Variants in CSMD3 observed in about 807,000 individuals in gnomAD.
CSMD3 encodes the protein CUB and sushi domain-containing protein 3.
CSMD3 carries 177 observed loss-of-function variants against 435.2 expected under a neutral mutation model. The observed-to-expected ratio is 0.41, with a 90% CI of 0.36 to 0.46. The LOEUF is 0.46. Ranked by LOEUF, CSMD3 falls within the 20% of genes least tolerant of loss-of-function variation. The pLI, the probability that CSMD3 is intolerant of heterozygous loss-of-function variation, is 0.34. For missense variants in CSMD3, 4,265 were observed against 4,504.6 expected (o/e 0.95, Z 1.52); for synonymous variants, 1,656 against 1,520.5 (o/e 1.09, Z -2.07).
chr8:112,993,613 A>T (rs571108301), intron 6 of CSMD3, among the ~76,000 whole-genome samples: 15 of 151,966 alleles, frequency 9.9e-5, no homozygotes, highest in African/African-American at 3.1e-4. Flanking sequence ...AAGGAACCAT[A>T]TTTTTAGAGG....
rs887456759 is a variant in CSMD3 at position 112,650,159 on chromosome 8, A to G, written c.3193+2T>C. 6.2e-7 allele frequency: 1 copy of G among 1,606,672 alleles called. No individual in the cohort carries two copies. Among genetic ancestry groups the G allele is most frequent in the Non-Finnish European group, 8.5e-7 (1 of 1,173,194 alleles). ...TATTTTGCATGTCAAATGAGTTATT[A>G]CCATCACAGGTTGGAAGTGGATGAC... On this transcript the variant is annotated splice_donor_variant, in intron 19 of 70. Transcript: ENST00000297405. LOFTEE classifies it high-confidence loss of function.
intron 2 of CSMD3, among the ~76,000 whole-genome samples, chr8:113,291,957 C>T (rs1450728429): frequency 6.6e-6 from 1 of 151,306 alleles, no homozygotes; most frequent in African/African-American, 2.4e-5. Context: ...TCTACTTACA[C>T]ATCACAGACA....
intron 4 of CSMD3, among the ~76,000 whole-genome samples, chr8:113,144,233 A>G (rs1305525872): frequency 6.6e-6 from 1 of 151,430 alleles, no homozygotes; most frequent in Non-Finnish European, 1.5e-5. Flanking sequence ...TGCAGTAACT[A>G]TATGTAAATT....
intron 32 of CSMD3, among the ~76,000 whole-genome samples, chr8:112,466,780 A>C (rs1817997990): frequency 1.3e-5 from 2 of 152,152 alleles, no homozygotes; most frequent in African/African-American, 4.8e-5. Flanking sequence ...CTATGTAATT[A>C]CCTAAGTCTA....
chr8:112,611,468 C>T (rs1049262470), intron 22 of CSMD3, among the ~76,000 whole-genome samples: 5 of 151,972 alleles, frequency 3.3e-5, no homozygotes, highest in East Asian at 3.9e-4. Flanking sequence ...TCTTTAGAGA[C>T]GAGTAGTCCA....
chr8:112,678,652 G>C (rs1305492487), intron 16 of CSMD3, among the ~76,000 whole-genome samples: 1 of 151,962 alleles, frequency 6.6e-6, no homozygotes, highest in Admixed American at 6.6e-5. Context: ...CCATTGTTCT[G>C]TAAGTTCTGA....
intron 10 of CSMD3, among the ~76,000 whole-genome samples, chr8:112,887,881 A>C (rs1048764194): frequency 6.6e-6 from 1 of 151,672 alleles, no homozygotes; most frequent in African/African-American, 2.4e-5. Flanking sequence ...TCTACTTGGT[A>C]ATTAAATCCT....
intron 10 of CSMD3, among the ~76,000 whole-genome samples, chr8:112,915,299 CT>C (rs891479166): frequency 1.3e-5 from 2 of 151,510 alleles, no homozygotes; most frequent in African/African-American, 2.4e-5. Context: ...TTATTGCAGT[CT>C]TTTTTTCCTT....
In CSMD3 at chr8:113,363,586, C is replaced by A. The variant is rs1333195625; in HGVS notation, c.179-48793G>T. On this transcript the variant is annotated intron_variant, in intron 1 of 70. Coordinates refer to ENST00000297405, the MANE Select transcript of CSMD3 (RefSeq NM_198123.2). ...TCTTCTAGTTTCTGGTGGCTGCTGG[C>A]TTGCTTTCGTGGCTGCTTCGCCCCA... Among the ~76,000 whole-genome samples, 9 of 152,250 alleles carry A rather than the reference C, an allele frequency of 5.9e-5. No individual in the cohort carries two copies. In the East Asian group the frequency reaches 1.4e-3, roughly 23 times the overall value.
At chr8:112,765,952 T>G (rs1309137908) in intron 13 of CSMD3, among the ~76,000 whole-genome samples, 1 of 151,754 alleles carries the variant, frequency 6.6e-6, no homozygotes, top group African/African-American at 2.4e-5. Context: ...TTTGGACCAC[T>G]AACTTTTCCC....
At chr8:112,644,217 AGTT>A (rs538253042) in intron 20 of CSMD3, among the ~76,000 whole-genome samples, 149 of 151,910 alleles carry the variant, frequency 9.8e-4, no homozygotes, top group Middle Eastern at 3.9e-3. Context: ...ACCATTCATA[AGTT>A]GTTACCTTGA....
chr8:113,256,605 G>T (rs867410085), intron 3 of CSMD3, among the ~76,000 whole-genome samples: 7 of 152,304 alleles, frequency 4.6e-5, no homozygotes, highest in African/African-American at 1.4e-4. Flanking sequence ...CTGATGAGTG[G>T]AGTGCAGAAA....
intron 3 of CSMD3, among the ~76,000 whole-genome samples, chr8:113,234,151 G>A (rs965945285): frequency 8.5e-5 from 13 of 152,224 alleles, no homozygotes; most frequent in African/African-American, 3.1e-4. Flanking sequence ...ATGCAGAAAT[G>A]TGAAAAATTC....
intron 70 of CSMD3, 140 bp from the exon 71 acceptor site, chr8:112,225,070 C>G (rs1285614911): frequency 1.2e-6 from 1 of 829,776 alleles, no homozygotes; most frequent in African/African-American, 1.7e-5. Flanking sequence ...ACTAAGTCAA[C>G]TTGAACAATT....
At chr8:113,295,423 A>C (rs1276193890) in intron 2 of CSMD3, among the ~76,000 whole-genome samples, 1 of 152,220 alleles carries the variant, frequency 6.6e-6, no homozygotes, top group African/African-American at 2.4e-5. Context: ...ATTTAGAATT[A>C]AGTATTAGAA....
At chr8:113,376,701 G>C (rs755773739) in intron 1 of CSMD3, 1 of 1,613,356 alleles carries the variant, frequency 6.2e-7, no homozygotes, top group Admixed American at 1.7e-5. Context: ...AGGACCGAAA[G>C]GTTCGGCGCA....
In CSMD3 at chr8:112,224,661, T is replaced by C; in HGVS notation, c.*110A>G. ...TTCTGTATCATTCCTCAGGAAAAGG[T>C]GACCCAGCAAGTCCTGAAAAGTGTG... On this transcript the variant is annotated 3_prime_UTR_variant, in exon 71 of 71. Coordinates refer to ENST00000297405, the MANE Select transcript of CSMD3 (RefSeq NM_198123.2). 1 of 1,034,848 alleles carries C rather than the reference T, an allele frequency of 9.7e-7. No individual in the cohort carries two copies. The highest frequency in any genetic ancestry group is 1.5e-6 in the Non-Finnish European group (1 of 653,050). 64.1% of individuals were successfully genotyped at this position (1,034,848 alleles called of 1,614,324 possible). A position where few individuals can be genotyped will look rare whatever the true frequency, so the allele number is the denominator to read the frequency against.
At position 112,838,133 on chromosome 8, in the gene CSMD3, C is replaced by G. The variant is rs2080081058; in HGVS notation, c.1756-8344G>C. Among the ~76,000 whole-genome samples the G allele has an allele frequency of 2.0e-5, 3 of 151,576 alleles. No homozygotes were observed. In the South Asian group the frequency reaches 6.2e-4, roughly 31 times the overall value. On this transcript the variant is annotated intron_variant, in intron 11 of 70. Coordinates refer to ENST00000297405, the MANE Select transcript of CSMD3 (RefSeq NM_198123.2). Reference sequence around the variant, plus strand: ...GTTGGAGACTATAGAGGAAAGGATTCCCTGAGGTGGAAAACCCCAGACACT... The same window carrying G: ...GTTGGAGACTATAGAGGAAAGGATTGCCTGAGGTGGAAAACCCCAGACACT...
intron 10 of CSMD3, among the ~76,000 whole-genome samples, chr8:112,898,913 A>C (rs2082025803): frequency 6.6e-6 from 1 of 151,228 alleles, no homozygotes; most frequent in South Asian, 2.1e-4. Context: ...TGGTTTTACT[A>C]ATTTATACTG....
Sources: allele counts gnomAD v4.1 joint callset (sites outside exome capture counted in the v4.1 genomes callset), GRCh38; gene constraint gnomAD v4.1.1; transcripts MANE v1.5; gene names NCBI Gene and HGNC (gene_info 2026-07-23, HGNC 2026-07-21).